The following PDLIM5 variants were observed in gnomAD, a reference collection of about 807,000 sequenced individuals.
PDLIM5 encodes PDZ and LIM domain 5.
A neutral mutation model predicts 64.2 loss-of-function variants in PDLIM5; 34 were observed. The observed-to-expected ratio is 0.53, with a 90% CI of 0.40 to 0.71. PDLIM5 has a LOEUF of 0.71. Ranked by LOEUF, PDLIM5 falls within the 30% of genes least tolerant of loss-of-function variation. PDLIM5 has a pLI of 0.00. For missense variants in PDLIM5, 683 were observed against 733.6 expected, an observed-to-expected ratio of 0.93 and a Z score of 0.80; for synonymous variants, 253 against 269.1, an observed-to-expected ratio of 0.94 and a Z score of 0.59.
In PDLIM5 at chr4:94,640,351, A is replaced by G. The variant is rs114201587; in HGVS notation, c.1184A>G (p.Gln395Arg). ...GCACCAGCCAACTCAGCTTTGGGAC[A>G]AACCCAGCCAAGTGACCAGGACACT... is the stretch of plus-strand genomic sequence containing the variant. ...SVAPANSALG[Q>R]TQPSDQDTLV... The change falls in exon 9 of 13, where the codon CAA becomes CGA. Residue 395 changes from glutamine to arginine, a missense_variant. Gln to Arg is a conservative substitution (Grantham distance 43). Coordinates refer to ENST00000317968, the MANE Select transcript of PDLIM5 (RefSeq NM_006457.5). The G allele has an allele frequency of 6.2e-7, 1 of 1,613,430 alleles. No individual in the cohort carries two copies. The highest frequency in any genetic ancestry group is 8.5e-7 in the Non-Finnish European group (1 of 1,179,380).
At chr4:94,553,829 A>C (rs1321185234) in intron 3 of PDLIM5, among the ~76,000 whole-genome samples, 3 of 152,230 alleles carry the variant, frequency 2.0e-5, no homozygotes, top group African/African-American at 4.8e-5. Flanking sequence ...TCAGCTTTCC[A>C]CAGAGAGTAT....
intron 7 of PDLIM5, chr4:94,587,199 A>G (rs1736300343): frequency 4.8e-6 from 7 of 1,465,720 alleles, no homozygotes; most frequent in African/African-American, 3.0e-5. Context: ...AACTTTTTCT[A>G]TACTTTTCTA....
chr4:94,633,985 G>A (rs188306126), intron 8 of PDLIM5, among the ~76,000 whole-genome samples: 302 of 152,210 alleles, frequency 2.0e-3, no homozygotes, highest in African/African-American at 6.9e-3. Flanking sequence ...TCAGAAGCAC[G>A]CTGGCCAGTA....
chr4:94,643,306 T>TA (rs1158883289), intron 9 of PDLIM5, among the ~76,000 whole-genome samples: 1 of 152,214 alleles, frequency 6.6e-6, no homozygotes, highest in African/African-American at 2.4e-5. Context: ...AGTTACATTT[T>TA]AGGAACTTCT....
intron 8 of PDLIM5, among the ~76,000 whole-genome samples, chr4:94,635,429 C>CTTTG (rs1428620203): frequency 2.6e-5 from 4 of 151,968 alleles, no homozygotes; most frequent in African/African-American, 9.7e-5. Flanking sequence ...GCTGATTCAA[C>CTTTG]GCTCCTGTTT....
intron 12 of PDLIM5, among the ~76,000 whole-genome samples, chr4:94,663,234 A>G (rs1002410532): frequency 8.5e-5 from 13 of 152,340 alleles, no homozygotes; most frequent in African/African-American, 2.9e-4. Context: ...CAAAAGTAAT[A>G]TTAATCGGTG....
At chr4:94,466,330 CTG>C (rs1284373932) in intron 2 of PDLIM5, among the ~76,000 whole-genome samples, 2 of 152,116 alleles carry the variant, frequency 1.3e-5, no homozygotes, top group African/African-American at 4.8e-5. Flanking sequence ...ATGGGAGTAA[CTG>C]AGATTATTAA....
chr4:94,592,727 A>G (rs1432199190), intron 7 of PDLIM5, among the ~76,000 whole-genome samples: 2 of 152,126 alleles, frequency 1.3e-5, no homozygotes, highest in African/African-American at 4.8e-5. Flanking sequence ...CCCAGGCTCA[A>G]GTGATCCTCC....
chr4:94,556,041 G>A (rs28416638), intron 3 of PDLIM5, among the ~76,000 whole-genome samples: 27,480 of 148,330 alleles, frequency 0.19, 2,926 homozygotes, highest in African/African-American at 0.27. Context: ...ATCTCCTAAT[G>A]CTATCCCTCC....
At chr4:94,513,939 T>C (rs1240822014) in intron 2 of PDLIM5, among the ~76,000 whole-genome samples, 1 of 152,042 alleles carries the variant, frequency 6.6e-6, no homozygotes, top group Non-Finnish European at 1.5e-5. Context: ...TGTAGGGATG[T>C]TGATTTTATC....
At chr4:94,595,115 A>C (rs753934326) in intron 7 of PDLIM5, among the ~76,000 whole-genome samples, 1 of 152,182 alleles carries the variant, frequency 6.6e-6, no homozygotes, top group Non-Finnish European at 1.5e-5. Context: ...ACCAGATCTC[A>C]TGAGAACAAT....
At chr4:94,514,311 T>A (rs1729174785) in intron 2 of PDLIM5, among the ~76,000 whole-genome samples, 1 of 151,934 alleles carries the variant, frequency 6.6e-6, no homozygotes, top group Admixed American at 6.6e-5. Flanking sequence ...ATTTTTTGTA[T>A]TTTTAGTAGA....
intron 2 of PDLIM5, chr4:94,455,886 A>T (rs1439332520): frequency 3.5e-6 from 5 of 1,416,928 alleles, no homozygotes; most frequent in Non-Finnish European, 4.8e-6. Flanking sequence ...TGAAGAGGAA[A>T]TGAAGGGCTT....
chr4:94,506,874 C>T (rs1014311246), intron 2 of PDLIM5, among the ~76,000 whole-genome samples: 5 of 152,282 alleles, frequency 3.3e-5, no homozygotes, highest in Admixed American at 3.3e-4. Context: ...GCTGCCAGCA[C>T]CGCTAGAACA....
At chr4:94,544,326 T>C (rs1230087097) in intron 3 of PDLIM5, among the ~76,000 whole-genome samples, 1 of 152,168 alleles carries the variant, frequency 6.6e-6, no homozygotes, top group Admixed American at 6.5e-5. Context: ...GGTCTGGGTA[T>C]TGGGATATGG....
intron 7 of PDLIM5, among the ~76,000 whole-genome samples, chr4:94,600,375 G>A (rs1192522736): frequency 6.6e-6 from 1 of 152,168 alleles, no homozygotes; most frequent in Admixed American, 6.5e-5. Context: ...ACTGGAGCAT[G>A]AGGTACTGTG....
At chr4:94,517,678 A>G (rs1215336205) in intron 2 of PDLIM5, among the ~76,000 whole-genome samples, 1 of 152,028 alleles carries the variant, frequency 6.6e-6, no homozygotes, top group African/African-American at 2.4e-5. Context: ...CCTTTTTTAC[A>G]TTTACTATAT....
rs148996082 is a variant in PDLIM5 at position 94,520,552 on chromosome 4, G to C, written c.97-3172G>C. On this transcript the variant is annotated intron_variant, in intron 2 of 12. Transcript: ENST00000317968. The stretch of plus-strand genomic sequence containing the variant: ...ATAATGCTACATCCTACCCAATTAA[G>C]AGAAAAGTAACGTTTATCTTTCTAA... 1.1e-3 allele frequency among the ~76,000 whole-genome samples: 170 copies of C among 152,334 alleles called. 1 individual carries two copies. The highest frequency in any genetic ancestry group is 6.8e-3 in the Middle Eastern group (2 of 294).
intron 5 of PDLIM5, among the ~76,000 whole-genome samples, chr4:94,580,571 G>A (rs114754537): frequency 3.1e-3 from 478 of 152,060 alleles, no homozygotes; most frequent in African/African-American, 0.011. Flanking sequence ...GGAGAATGGC[G>A]TTTGGAAAAA....
Sources: allele counts gnomAD v4.1 joint callset (sites outside exome capture counted in the v4.1 genomes callset), GRCh38; gene constraint gnomAD v4.1.1; transcripts MANE v1.5; gene names NCBI Gene and HGNC (gene_info 2026-07-23, HGNC 2026-07-21).